SLC4A7: variants seen among roughly 807,000 people sequenced by gnomAD.
SLC4A7 encodes the protein solute carrier family 4 member 7.
A neutral mutation model predicts 137.6 loss-of-function variants in SLC4A7; 51 were observed. The observed-to-expected ratio is 0.37, with a 90% CI of 0.30 to 0.47. The LOEUF is 0.47. Ranked by LOEUF, SLC4A7 falls within the 20% of genes least tolerant of loss-of-function variation. The probability of loss-of-function intolerance (pLI) is 1.00; values close to 1 mark genes in which losing one functional copy is unlikely to be tolerated. For missense variants in SLC4A7, 1,247 were observed against 1,525.4 expected, an observed-to-expected ratio of 0.82 and a Z score of 3.04; for synonymous variants, 542 against 518.6, an observed-to-expected ratio of 1.05 and a Z score of -0.61.
intron 1 of SLC4A7, among the ~76,000 whole-genome samples, chr3:27,482,149 ATAT>A (rs2059738910): frequency 6.6e-6 from 1 of 152,074 alleles, no homozygotes; most frequent in African/African-American, 2.4e-5. Flanking sequence ...AAATAAATAA[ATAT>A]TAGGATGGAG....
At chr3:27,467,342 T>C (rs2059052248) in intron 1 of SLC4A7, among the ~76,000 whole-genome samples, 1 of 152,210 alleles carries the variant, frequency 6.6e-6, no homozygotes, top group African/African-American at 2.4e-5. Context: ...ATTTTACTTA[T>C]ATGCCTTATT....
chr3:27,394,784 G>T lies in SLC4A7; in HGVS notation c.2866-15C>A. The T allele has an allele frequency of 6.2e-7, 1 of 1,611,260 alleles. No homozygotes were observed. The highest frequency in any genetic ancestry group is 1.1e-5 in the South Asian group (1 of 90,646). ...CCAGCTCCTTTCTGAAAAGTGAAAT[G>T]AACATAAATATCTGTAAGTCTAAAT... is the stretch of plus-strand genomic sequence containing the variant. On this transcript the variant is annotated splice_polypyrimidine_tract_variant and intron_variant, in intron 19 of 25. Transcript: ENST00000454389.
At chr3:27,420,468 T>C (rs1043381110) in intron 10 of SLC4A7, among the ~76,000 whole-genome samples, 6 of 151,956 alleles carry the variant, frequency 3.9e-5, no homozygotes, top group Non-Finnish European at 8.8e-5. Context: ...AGTCAATAAT[T>C]ACAAATGTTT....
At chr3:27,449,276 A>G (rs1326160199) in intron 2 of SLC4A7, among the ~76,000 whole-genome samples, 1 of 151,676 alleles carries the variant, frequency 6.6e-6, no homozygotes, top group African/African-American at 2.4e-5. Flanking sequence ...TTCCATCTAC[A>G]TTTATGGCCA....
intron 18 of SLC4A7, among the ~76,000 whole-genome samples, chr3:27,397,034 C>CA (rs1559656392): frequency 1.3e-5 from 2 of 148,512 alleles, no homozygotes; most frequent in East Asian, 3.9e-4. Context: ...TTTTAGGTTA[C>CA]TTTTTTTTTT....
Position 27,375,619 on chromosome 3 carries a change from A to G in SLC4A7, c.*1145T>C, listed in dbSNP as rs1437201673. On this transcript the variant is annotated 3_prime_UTR_variant, in exon 26 of 26. Coordinates refer to ENST00000454389, the MANE Select transcript of SLC4A7 (RefSeq NM_001321103.2). ...TCAATTGCTTTAAGATAATAAACAT[A>G]AATGAAAGTAAGCACCAACTATTTA... 1.3e-5 allele frequency: 2 copies of G among 152,426 alleles called. No homozygotes were observed. The highest frequency in any genetic ancestry group is 4.8e-5 in the African/African-American group (2 of 41,418). 9.4% of individuals were successfully genotyped at this position (152,426 alleles called of 1,614,324 possible).
chr3:27,437,738 T>C (rs769978098), intron 3 of SLC4A7, among the ~76,000 whole-genome samples: 9 of 149,112 alleles, frequency 6.0e-5, no homozygotes, highest in Non-Finnish European at 1.2e-4. Context: ...ATAATCTCTA[T>C]AGAAAAAAAA....
chr3:27,428,098 G>GTA (rs2055846739), intron 7 of SLC4A7, among the ~76,000 whole-genome samples: 2 of 152,164 alleles, frequency 1.3e-5, no homozygotes, highest in Non-Finnish European at 1.5e-5. Flanking sequence ...AGGAAAAATA[G>GTA]TAAATCTTGT....
intron 20 of SLC4A7, among the ~76,000 whole-genome samples, chr3:27,392,609 T>C (rs2051685931): frequency 6.6e-6 from 1 of 152,066 alleles, no homozygotes; most frequent in African/African-American, 2.4e-5. Flanking sequence ...GCAGATCACT[T>C]GCGGCCATAA....
chr3:27,464,240 G>C (rs915702374), intron 1 of SLC4A7, among the ~76,000 whole-genome samples: 1 of 152,166 alleles, frequency 6.6e-6, no homozygotes, highest in Non-Finnish European at 1.5e-5. Context: ...CCATTTGTGA[G>C]TTTGTGTTTA....
intron 7 of SLC4A7, 83 bp from the exon 8 acceptor site, chr3:27,424,235 T>C (rs2055308282): frequency 1.5e-6 from 1 of 661,226 alleles, no homozygotes; most frequent in Admixed American, 3.1e-5. Flanking sequence ...AAAGTGATGA[T>C]TTATGAATAT....
rs2054698499 is a variant in SLC4A7 at position 27,419,303 on chromosome 3, T to G, written c.1513-671A>C. Among the ~76,000 whole-genome samples, 3 of 151,936 alleles carry G rather than the reference T, an allele frequency of 2.0e-5. No individual in the cohort carries two copies. The South Asian group carries it at 6.2e-4, about 31-fold the overall frequency. On this transcript the variant is annotated intron_variant, in intron 10 of 25. Transcript: ENST00000454389. ...GAGGTAACTGACCAGGCACGGTGGC[T>G]CATGCCTGTAATTCCCGCACTTTGG...
At chr3:27,483,082 C>G (rs1490532778) in intron 1 of SLC4A7, among the ~76,000 whole-genome samples, 1 of 152,250 alleles carries the variant, frequency 6.6e-6, no homozygotes, top group Non-Finnish European at 1.5e-5. Flanking sequence ...TCCCTGCAAC[C>G]TTCCCGCCTT....
At chr3:27,391,057 A>C (rs964850572) in intron 21 of SLC4A7, among the ~76,000 whole-genome samples, 1 of 152,188 alleles carries the variant, frequency 6.6e-6, no homozygotes, top group African/African-American at 2.4e-5. Context: ...TCCTGGCCTC[A>C]GGTGATACTC....
In SLC4A7 at chr3:27,452,458, C is replaced by A. The variant is rs1168945890; in HGVS notation, c.101G>T (p.Ser34Ile). The change falls in exon 2 of 26, where the codon AGC becomes ATC. Residue 34 changes from serine to isoleucine, a missense_variant. Coordinates refer to ENST00000454389, the MANE Select transcript of SLC4A7 (RefSeq NM_001321103.2). ...EEAVVDLGKT[S>I]STVNTKFEKE... ...TTCAAACTTGGTGTTCACAGTTGAG[C>A]TAGTTTTGCCAAGATCCACAACAGC... The A allele has an allele frequency of 1.9e-6, 3 of 1,604,950 alleles. No homozygotes were observed. Among genetic ancestry groups the A allele is most frequent in the Non-Finnish European group, 2.5e-6 (3 of 1,178,152 alleles).
At chr3:27,432,481 T>G (rs765005971) in intron 6 of SLC4A7, among the ~76,000 whole-genome samples, 19 of 152,220 alleles carry the variant, frequency 1.2e-4, no homozygotes, top group Non-Finnish European at 2.4e-4. Flanking sequence ...CAAAAGGTCA[T>G]GCATACTTTT....
chr3:27,462,763 A>C lies in SLC4A7; in HGVS notation c.61-10265T>G, dbSNP rs559170854. 32 of 153,580 alleles carry C rather than the reference A, an allele frequency of 2.1e-4. No homozygotes were observed. The South Asian group carries it at 6.4e-3, about 31-fold the overall frequency. The allele number at this position is 153,580 out of a possible 1,614,324, so 9.5% of individuals were successfully genotyped here. On this transcript the variant is annotated intron_variant, in intron 1 of 25. Transcript: ENST00000454389. The stretch of plus-strand genomic sequence containing the variant: ...TCCTTCTAAGATTGTTAAACAGATT[A>C]CTTCCATCACTACTGCATTAGTAAT...
At chr3:27,401,852 A>G (rs1181675209) in intron 15 of SLC4A7, among the ~76,000 whole-genome samples, 2 of 152,236 alleles carry the variant, frequency 1.3e-5, no homozygotes, top group African/African-American at 4.8e-5. Flanking sequence ...AAGAAGCAAA[A>G]GGCAAGGAAA....
At chr3:27,395,158 G>C in intron 18 of SLC4A7, 43 bp from the exon 19 acceptor site, 3 of 1,420,330 alleles carry the variant, frequency 2.1e-6, no homozygotes, top group Non-Finnish European at 2.9e-6. Context: ...TCTCCTTGCT[G>C]TATTGCACTA....
Sources: allele counts gnomAD v4.1 joint callset (sites outside exome capture counted in the v4.1 genomes callset), GRCh38; gene constraint gnomAD v4.1.1; transcripts MANE v1.5; gene names NCBI Gene and HGNC (gene_info 2026-07-23, HGNC 2026-07-21).